Variants in CDKL3 observed in about 807,000 individuals in gnomAD.
The protein encoded by CDKL3 is cyclin dependent kinase like 3.
Under a neutral mutation model 69.3 loss-of-function variants are expected in CDKL3, and 65 were observed. The ratio of observed to expected loss-of-function variants is 0.94; its 90% CI spans 0.77 to 1.15. The LOEUF (loss-of-function observed/expected upper bound fraction) is 1.15, where lower values mean the gene tolerates loss of function less well. Ranked by LOEUF, CDKL3 falls within the 50% of genes most tolerant of loss-of-function variation. The pLI is 0.00. For synonymous variants in CDKL3, 202 were observed against 221.6 expected (o/e 0.91, Z 0.79); for missense variants, 652 against 689.2 (o/e 0.95, Z 0.61).
At chr5:134,365,779 C>T (rs1414150011) in intron 2 of CDKL3, among the ~76,000 whole-genome samples, 1 of 152,204 alleles carries the variant, frequency 6.6e-6, no homozygotes, top group Non-Finnish European at 1.5e-5. Flanking sequence ...TTTGTCCTTT[C>T]CACTTTGCCC....
chr5:134,286,726 T>C (rs909248675), intron 8 of CDKL3, among the ~76,000 whole-genome samples: 5 of 152,084 alleles, frequency 3.3e-5, no homozygotes, highest in African/African-American at 1.2e-4. Context: ...CTCCCCCTTG[T>C]AATAACCATC....
At chr5:134,322,311 C>A (rs550407307) in intron 4 of CDKL3, among the ~76,000 whole-genome samples, 1 of 152,086 alleles carries the variant, frequency 6.6e-6, no homozygotes, top group South Asian at 2.1e-4. Flanking sequence ...CACGCCTGGC[C>A]CATTTGTAAG....
At chr5:134,305,714 G>A (rs562820599) in intron 10 of CDKL3, among the ~76,000 whole-genome samples, 7 of 152,268 alleles carry the variant, frequency 4.6e-5, no homozygotes, top group African/African-American at 1.7e-4. Context: ...AATGTACTTA[G>A]TCATCTGCTT....
chr5:134,316,949 T>C (rs1429270324), intron 6 of CDKL3, among the ~76,000 whole-genome samples: 1 of 152,150 alleles, frequency 6.6e-6, no homozygotes, highest in African/African-American at 2.4e-5. Context: ...TGGGAAAATC[T>C]GAACCTCTCC....
chr5:134,310,842 T>C (rs1312011389), intron 7 of CDKL3, among the ~76,000 whole-genome samples: 7 of 152,182 alleles, frequency 4.6e-5, no homozygotes, highest in Non-Finnish European at 7.3e-5. Flanking sequence ...ATTCCTGAAA[T>C]GCGCAAAGTT....
At chr5:134,291,162 G>A (rs1027023186) in intron 8 of CDKL3, among the ~76,000 whole-genome samples, 1 of 152,172 alleles carries the variant, frequency 6.6e-6, no homozygotes, top group African/African-American at 2.4e-5. Flanking sequence ...GAAGCATATG[G>A]AGTGAGGAAG....
At chr5:134,312,263 A>C in intron 7 of CDKL3, 29 bp downstream of exon 7, 1 of 1,372,486 alleles carries the variant, frequency 7.3e-7, no homozygotes. Context: ...AATGCTTTTA[A>C]AAAACCCACA....
At chr5:134,343,386 C>T (rs950191613) in intron 4 of CDKL3, among the ~76,000 whole-genome samples, 4 of 152,142 alleles carry the variant, frequency 2.6e-5, no homozygotes, top group Non-Finnish European at 5.9e-5. Flanking sequence ...AAGCTGTCCT[C>T]GTTCATTCCT....
chr5:134,293,043 G>A (rs1408140570), intron 8 of CDKL3, among the ~76,000 whole-genome samples: 5 of 73,736 alleles, frequency 6.8e-5, no homozygotes, highest in Admixed American at 1.7e-4. Flanking sequence ...TTTTTGAGAC[G>A]GAGTTTCACT....
In CDKL3 at chr5:134,350,318, TA is replaced by T. The variant is rs745373399; in HGVS notation, c.469del (p.Tyr157IlefsTer15). ...CCAGCGTGTGGCCACATAGTCCGTA[TA>T]AATGTCCCCAGGAGCTGCTAGTGTT... ...ARTLAAPGDI[Y>X]TDYVATRWYR... is the part of the protein sequence containing the mutation. On this transcript the variant is annotated frameshift_variant, in exon 4 of 13. Transcript: ENST00000265334. LOFTEE classifies it high-confidence loss of function. The T allele has an allele frequency of 6.3e-7, 1 of 1,595,184 alleles. No individual in the cohort carries two copies. Among genetic ancestry groups the T allele is most frequent in the East Asian group, 2.2e-5 (1 of 44,450 alleles).
chr5:134,360,135 C>T, intron 2 of CDKL3, 44 bp from the exon 3 acceptor site: 3 of 1,318,702 alleles, frequency 2.3e-6, no homozygotes, highest in Non-Finnish European at 3.1e-6. Context: ...TATTTCAAGC[C>T]TAACAATTTG....
downstream of CDKL3, among the ~76,000 whole-genome samples, chr5:134,284,737 G>C (rs749077787): frequency 6.6e-6 from 1 of 152,140 alleles, no homozygotes; most frequent in Non-Finnish European, 1.5e-5. Flanking sequence ...ATTCCTTGCT[G>C]GGAAAAGAAT....
At chr5:134,330,761 T>G (rs1461606480) in intron 4 of CDKL3, among the ~76,000 whole-genome samples, 1 of 152,080 alleles carries the variant, frequency 6.6e-6, no homozygotes, top group African/African-American at 2.4e-5. Context: ...CTCGAAACAT[T>G]CTCACAAGAA....
At chr5:134,283,897 T>C (rs1166302708), downstream of CDKL3, among the ~76,000 whole-genome samples, 1 of 152,120 alleles carries the variant, frequency 6.6e-6, no homozygotes, top group Non-Finnish European at 1.5e-5. Flanking sequence ...ATGGGAGACA[T>C]TGGCGAAAAC....
At chr5:134,359,042 T>A (rs377517911) in intron 3 of CDKL3, among the ~76,000 whole-genome samples, 2 of 151,964 alleles carry the variant, frequency 1.3e-5, no homozygotes, top group Admixed American at 1.3e-4. Context: ...ATCCAGCATT[T>A]TGGGAGGCTG....
In CDKL3 at chr5:134,319,406, T is replaced by A. The variant is rs753637356; in HGVS notation, c.744A>T (p.Ala248=). The A allele has an allele frequency of 9.1e-6, 14 of 1,538,854 alleles. No homozygotes were observed. The highest frequency in any genetic ancestry group is 2.1e-5 in the Admixed American group (1 of 47,140). The change falls in exon 6 of 13, where the codon GCA becomes GCT. Residue 248 remains alanine (A), a synonymous_variant. Transcript: ENST00000265334. ...CATTAAGCTTTGGATATTTTTTTCTTGCATTTTTGGGGTGTTGAACTTGAG... is the reference window on the plus strand; with the variant it reads ...CATTAAGCTTTGGATATTTTTTTCTAGCATTTTTGGGGTGTTGAACTTGAG... The part of the protein sequence containing the change: ...VLPQVQHPKN[A]RKKYPKLNGL...
chr5:134,337,087 G>A (rs1349128452), intron 4 of CDKL3, among the ~76,000 whole-genome samples: 1 of 152,144 alleles, frequency 6.6e-6, no homozygotes, highest in African/African-American at 2.4e-5. Context: ...AAGCTCCAGT[G>A]TCCCAGGTAG....
chr5:134,351,101 C>T (rs1163946002), intron 3 of CDKL3, among the ~76,000 whole-genome samples: 2 of 152,178 alleles, frequency 1.3e-5, no homozygotes, highest in Non-Finnish European at 2.9e-5. Context: ...GCCACCTCTC[C>T]ACCCATATCG....
At chr5:134,318,498 T>G (rs182371479) in intron 6 of CDKL3, among the ~76,000 whole-genome samples, 10 of 152,074 alleles carry the variant, frequency 6.6e-5, no homozygotes, top group Non-Finnish European at 1.0e-4. Flanking sequence ...TGTTTGTTGT[T>G]TTTTTGAGAC....
Sources: gnomAD v4.1 joint callset for allele counts (sites outside exome capture counted in the v4.1 genomes callset) on GRCh38, gnomAD v4.1.1 for gene constraint, MANE v1.5 for transcripts, NCBI Gene and HGNC (gene_info 2026-07-23, HGNC 2026-07-21) for gene names.